Variants in POC1A observed in about 807,000 individuals in gnomAD.
POC1A encodes POC1 centriolar protein A.
POC1A carries 34 observed loss-of-function variants against 47.8 expected under a neutral mutation model. That is an observed-to-expected ratio of 0.71 (90% CI 0.54 to 0.95). The LOEUF (loss-of-function observed/expected upper bound fraction) is 0.95, where lower values mean the gene tolerates loss of function less well. Among genes scored for constraint, POC1A ranks in the 40% least tolerant of loss-of-function variants. The pLI is 0.00. For synonymous variants in POC1A, 177 were observed against 207.6 expected, an observed-to-expected ratio of 0.85 and a Z score of 1.27; for missense variants, 466 against 528.3, an observed-to-expected ratio of 0.88 and a Z score of 1.16.
Position 52,075,830 on chromosome 3 carries a change from C to T in POC1A, c.*57G>A. 7.8e-7 allele frequency: 1 copy of T among 1,279,248 alleles called. No homozygotes were observed. The highest frequency in any genetic ancestry group is 1.1e-6 in the Non-Finnish European group (1 of 876,548). 79.2% of individuals were successfully genotyped at this position (1,279,248 alleles called of 1,614,324 possible). A position where few individuals can be genotyped will look rare whatever the true frequency, so the allele number is the denominator to read the frequency against. ...CTTTATTTACCCAAGTCCCATGGTA[C>T]AAATCCCTGGCCTGCCACCTGCAAA... On this transcript the variant is annotated 3_prime_UTR_variant, in exon 11 of 11. Transcript: ENST00000296484.
chr3:52,083,377 C>A (rs950753605), intron 10 of POC1A, among the ~76,000 whole-genome samples: 10 of 152,066 alleles, frequency 6.6e-5, no homozygotes, highest in African/African-American at 2.4e-4. Context: ...CACCTCACAC[C>A]CCGTGGAGTG....
intron 6 of POC1A, 102 bp downstream of exon 6, chr3:52,145,744 C>T: frequency 4.2e-6 from 3 of 706,378 alleles, no homozygotes; most frequent in Non-Finnish European, 7.3e-6. Context: ...CTGCCCAAGG[C>T]CATCTCAGAC....
chr3:52,076,066 T>G, intron 10 of POC1A, 81 bp from the exon 11 acceptor site: 1 of 1,071,006 alleles, frequency 9.3e-7, no homozygotes, highest in South Asian at 1.3e-5. Context: ...AGTCCCCACT[T>G]GGCTGCCTCA....
At chr3:52,107,695 G>A (rs1285554127) in intron 9 of POC1A, among the ~76,000 whole-genome samples, 1 of 152,230 alleles carries the variant, frequency 6.6e-6, no homozygotes, top group Non-Finnish European at 1.5e-5. Context: ...AAGCCCAAGT[G>A]CTGACTGTAG....
At chr3:52,123,898 C>T (rs1703895986) in intron 8 of POC1A, among the ~76,000 whole-genome samples, 1 of 152,176 alleles carries the variant, frequency 6.6e-6, no homozygotes, top group Non-Finnish European at 1.5e-5. Context: ...AGCAATAAGC[C>T]AGGCTTCACG....
At chr3:52,139,083 C>T (rs888780579) in intron 6 of POC1A, among the ~76,000 whole-genome samples, 1 of 152,168 alleles carries the variant, frequency 6.6e-6, no homozygotes, top group African/African-American at 2.4e-5. Flanking sequence ...CCACCTGCCT[C>T]GGCCTCTCAA....
chr3:52,118,716 G>A (rs759960031), intron 9 of POC1A, among the ~76,000 whole-genome samples: 26 of 152,214 alleles, frequency 1.7e-4, no homozygotes, highest in African/African-American at 3.9e-4. Context: ...ACACCTGCCC[G>A]ATGGGCTTCC....
chr3:52,087,474 T>A (rs1702498969), intron 10 of POC1A, among the ~76,000 whole-genome samples: 1 of 152,194 alleles, frequency 6.6e-6, no homozygotes, highest in Non-Finnish European at 1.5e-5. Context: ...CCCTTGAGCC[T>A]ATGGTCCGCG....
chr3:52,149,745 G>C (rs1009416316), intron 3 of POC1A, 71 bp downstream of exon 3: 8 of 1,458,472 alleles, frequency 5.5e-6, no homozygotes, highest in Non-Finnish European at 7.6e-6. Flanking sequence ...CAAGCTAGGG[G>C]ACCTGGGTGG....
At chr3:52,119,170 G>A (rs1447779592) in intron 9 of POC1A, among the ~76,000 whole-genome samples, 1 of 151,982 alleles carries the variant, frequency 6.6e-6, no homozygotes, top group South Asian at 2.1e-4. Flanking sequence ...TCACACTCAA[G>A]GCTGCTGGAA....
chr3:52,148,099 G>A (rs1159133843), intron 4 of POC1A, among the ~76,000 whole-genome samples: 1 of 152,246 alleles, frequency 6.6e-6, no homozygotes. Flanking sequence ...TTGCATAAAG[G>A]TGGCCAAAAG....
chr3:52,106,648 C>T (rs1703194343), intron 9 of POC1A, among the ~76,000 whole-genome samples: 1 of 152,166 alleles, frequency 6.6e-6, no homozygotes, highest in African/African-American at 2.4e-5. Flanking sequence ...GACCATCTCC[C>T]CGTCCCCTCT....
chr3:52,098,508 A>C (rs371401514), intron 9 of POC1A, among the ~76,000 whole-genome samples: 10 of 152,346 alleles, frequency 6.6e-5, no homozygotes, highest in Admixed American at 3.9e-4. Flanking sequence ...GCTCCAAGGG[A>C]GTATTAAAGA....
chr3:52,125,341 C>A (rs1440298309), intron 7 of POC1A, among the ~76,000 whole-genome samples, 160 bp from the exon 8 acceptor site: 4 of 152,188 alleles, frequency 2.6e-5, no homozygotes, highest in Non-Finnish European at 5.9e-5. Context: ...CAGGAGCCTG[C>A]CTGCAGCCAG....
intron 9 of POC1A, among the ~76,000 whole-genome samples, chr3:52,104,884 A>C (rs17051963): frequency 0.093 from 14,185 of 152,224 alleles, 1,336 homozygotes; most frequent in East Asian, 0.37. Context: ...AGTCAGGAGC[A>C]AGGTCTGCAC....
At chr3:52,122,957 C>T (rs760962841) in intron 8 of POC1A, among the ~76,000 whole-genome samples, 2 of 152,256 alleles carry the variant, frequency 1.3e-5, no homozygotes, top group African/African-American at 2.4e-5. Context: ...TTCCTGCGGG[C>T]GGTGGCCTGG....
At chr3:52,131,359 T>A (rs1352342069) in intron 7 of POC1A, among the ~76,000 whole-genome samples, 1 of 152,006 alleles carries the variant, frequency 6.6e-6, no homozygotes, top group East Asian at 1.9e-4. Context: ...TTCCCTTCTA[T>A]AAAATGAGGG....
At chr3:52,087,573 G>A (rs576791996) in intron 10 of POC1A, among the ~76,000 whole-genome samples, 21 of 152,212 alleles carry the variant, frequency 1.4e-4, no homozygotes, top group African/African-American at 3.6e-4. Context: ...AGCTCTCTTC[G>A]GGAAGTACAC....
intron 9 of POC1A, among the ~76,000 whole-genome samples, chr3:52,099,003 G>A (rs2106984689): frequency 6.6e-6 from 1 of 152,326 alleles, no homozygotes; most frequent in African/African-American, 2.4e-5. Flanking sequence ...TCCCGGACAT[G>A]AGACAGCCTC....
Sources: gnomAD v4.1 joint callset for allele counts (sites outside exome capture counted in the v4.1 genomes callset) on GRCh38, gnomAD v4.1.1 for gene constraint, MANE v1.5 for transcripts, NCBI Gene and HGNC (gene_info 2026-07-23, HGNC 2026-07-21) for gene names.